RUNX1T1: variants seen among roughly 807,000 people sequenced by gnomAD.
The protein encoded by RUNX1T1 is RUNX1 partner transcriptional co-repressor 1, also known as protein CBFA2T1.
Under a neutral mutation model 62.8 loss-of-function variants are expected in RUNX1T1, and 4 were observed. The observed-to-expected ratio is 0.06, with a 90% CI of 0.03 to 0.15. The LOEUF (loss-of-function observed/expected upper bound fraction) is 0.15, where lower values mean the gene tolerates loss of function less well. RUNX1T1 is among the 10% of genes least tolerant of loss of function. The pLI is 1.00. For missense variants in RUNX1T1, 508 were observed against 754.3 expected (o/e 0.67, Z 3.82); for synonymous variants, 291 against 286.0 (o/e 1.02, Z -0.18).
chr8:91,966,820 A>G (rs1811729210), intron 10 of RUNX1T1, among the ~76,000 whole-genome samples: 1 of 152,208 alleles, frequency 6.6e-6, no homozygotes, highest in Non-Finnish European at 1.5e-5. Flanking sequence ...TCTAACTGAT[A>G]GTAATACCAA....
At chr8:92,073,853 C>T (rs1295079665) in intron 2 of RUNX1T1, among the ~76,000 whole-genome samples, 1 of 152,130 alleles carries the variant, frequency 6.6e-6, no homozygotes, top group Non-Finnish European at 1.5e-5. Flanking sequence ...TGTGCCATCA[C>T]ACTCGCCTGA....
At chr8:92,040,897 C>G (rs534539192) in intron 1 of RUNX1T1, among the ~76,000 whole-genome samples, 1 of 151,682 alleles carries the variant, frequency 6.6e-6, no homozygotes, top group Non-Finnish European at 1.5e-5. Context: ...TTTTCAAATA[C>G]GAGGTCTTAC....
intron 1 of RUNX1T1, among the ~76,000 whole-genome samples, chr8:92,028,196 C>A (rs1825611268): frequency 8.4e-6 from 1 of 118,934 alleles, no homozygotes. Context: ...ATTAGTAATT[C>A]TTTTTTTTTT....
exon 11 of RUNX1T1, chr8:91,959,326 T>C (rs2130381982): frequency 4.4e-6 from 1 of 225,412 alleles, no homozygotes; most frequent in Non-Finnish European, 8.9e-6. Context: ...CTTGCAAAAG[T>C]GAAGAAACGT....
chr8:92,010,767 T>C (rs2131091770), intron 4 of RUNX1T1: 1 of 383,102 alleles, frequency 2.6e-6, no homozygotes, highest in Non-Finnish European at 4.7e-6. Flanking sequence ...AAAACCTTTA[T>C]TCAAAGAGAC....
intron 1 of RUNX1T1, among the ~76,000 whole-genome samples, chr8:92,031,010 T>C (rs187476274): frequency 4.2e-4 from 64 of 152,342 alleles, no homozygotes; most frequent in African/African-American, 1.5e-3. Context: ...AAACCTAACA[T>C]AGTCCTTTGG....
chr8:92,039,147 T>A (rs987898610), intron 1 of RUNX1T1, among the ~76,000 whole-genome samples: 1 of 150,720 alleles, frequency 6.6e-6, no homozygotes, highest in African/African-American at 2.4e-5. Context: ...TGTTGTTGTT[T>A]TTTTTTTTTT....
chr8:91,970,829 C>T (rs1327825276), exon 10 of RUNX1T1: 4 of 1,610,230 alleles, frequency 2.5e-6, no homozygotes, highest in South Asian at 1.1e-5. Context: ...CCTGGCGCTT[C>T]ACCTCATTGA....
At chr8:91,993,271 G>C (rs531589189) in intron 5 of RUNX1T1, among the ~76,000 whole-genome samples, 1 of 152,184 alleles carries the variant, frequency 6.6e-6, no homozygotes, top group African/African-American at 2.4e-5. Flanking sequence ...AGATAATCAG[G>C]GGCAACAGGA....
At chr8:91,989,229 C>T (rs1817178734) in intron 6 of RUNX1T1, among the ~76,000 whole-genome samples, 1 of 152,160 alleles carries the variant, frequency 6.6e-6, no homozygotes. Context: ...ACATAATAGG[C>T]ATTTATAAAT....
At chr8:92,063,231 C>G (rs917471602), upstream of RUNX1T1, among the ~76,000 whole-genome samples, 1 of 152,078 alleles carries the variant, frequency 6.6e-6, no homozygotes, top group African/African-American at 2.4e-5. Flanking sequence ...AGAATCATTC[C>G]TTTTGTCAGC....
chr8:91,960,019 G>A (rs1314659063), exon 11 of RUNX1T1: 4 of 574,908 alleles, frequency 7.0e-6, no homozygotes, highest in Non-Finnish European at 1.2e-5. Flanking sequence ...CTAAAGAAAA[G>A]ATATCTTTGT....
intron 5 of RUNX1T1, among the ~76,000 whole-genome samples, chr8:92,002,441 T>C (rs1707216279): frequency 6.6e-6 from 1 of 152,098 alleles, no homozygotes; most frequent in Admixed American, 6.5e-5. Flanking sequence ...GTGACAATCA[T>C]ATTTAAGGAC....
intron 1 of RUNX1T1, among the ~76,000 whole-genome samples, chr8:92,076,675 TAATAG>T (rs542775500): frequency 1.3e-3 from 195 of 152,202 alleles, no homozygotes; most frequent in Non-Finnish European, 1.9e-3. Context: ...AATCCTTATG[TAATAG>T]AATAGTTAAA....
At position 92,089,925 on chromosome 8, in the gene RUNX1T1, TAAAAAAAA is replaced by T. The variant is rs36052605; in HGVS notation, c.-86+9647_-86+9654del. Among the ~76,000 whole-genome samples, 453 of 80,170 alleles carry T rather than the reference TAAAAAAAA, an allele frequency of 5.7e-3. 2 individuals are homozygous for T. Among genetic ancestry groups the T allele is most frequent in the Middle Eastern group, 0.041 (5 of 122 alleles). The allele number at this position is 80,170 out of a possible 152,430, so 52.6% of individuals were successfully genotyped here. A position where few individuals can be genotyped will look rare whatever the true frequency, so the allele number is the denominator to read the frequency against. On this transcript the variant is annotated intron_variant, in intron 1 of 11. Transcript: ENST00000265814. ...TGTCACCCACCCCAATCCCTGAATT[TAAAAAAAA>T]AAAAAAAAAAAAAAAAGCATTTTTT...
chr8:91,966,017 G>A (rs1419880640), intron 10 of RUNX1T1, among the ~76,000 whole-genome samples: 4 of 151,608 alleles, frequency 2.6e-5, no homozygotes, highest in Non-Finnish European at 5.9e-5. Flanking sequence ...GAAAACCAAA[G>A]CTTCAAGAGG....
intron 2 of RUNX1T1, among the ~76,000 whole-genome samples, chr8:92,015,099 C>A (rs1822735622): frequency 6.6e-6 from 1 of 152,202 alleles, no homozygotes; most frequent in Non-Finnish European, 1.5e-5. Flanking sequence ...CCCATGTGCA[C>A]ATATGCCAAC....
chr8:91,991,829 T>C, exon 6 of RUNX1T1: 1 of 1,614,176 alleles, frequency 6.2e-7, no homozygotes, highest in Non-Finnish European at 8.5e-7. Context: ...TAATAGTGCA[T>C]GGTCGCTTGC....
intron 1 of RUNX1T1, among the ~76,000 whole-genome samples, chr8:92,086,609 G>T: frequency 6.6e-6 from 1 of 152,142 alleles, no homozygotes; most frequent in Admixed American, 6.5e-5. Context: ...GTCTGCAAAT[G>T]GATTCTGAAG....
Sources: allele counts gnomAD v4.1 joint callset (sites outside exome capture counted in the v4.1 genomes callset), GRCh38; gene constraint gnomAD v4.1.1; transcripts MANE v1.5; gene names NCBI Gene and HGNC (gene_info 2026-07-23, HGNC 2026-07-21).